TSNARE1: variants seen among roughly 807,000 people sequenced by gnomAD.
TSNARE1 encodes the protein t-SNARE domain-containing protein 1.
A neutral mutation model predicts 62.0 loss-of-function variants in TSNARE1; 49 were observed. The ratio of observed to expected loss-of-function variants is 0.79; its 90% CI spans 0.63 to 1.00. TSNARE1 has a LOEUF of 1.00. TSNARE1 is among the 50% of genes least tolerant of loss of function. The pLI is 0.00. For synonymous variants in TSNARE1, 328 were observed against 294.4 expected, an observed-to-expected ratio of 1.11 and a Z score of -1.17; for missense variants, 755 against 700.1, an observed-to-expected ratio of 1.08 and a Z score of -0.88.
intron 1 of TSNARE1, among the ~76,000 whole-genome samples, chr8:142,394,056 T>C (rs911304463): frequency 1.3e-5 from 2 of 152,244 alleles, no homozygotes; most frequent in African/African-American, 4.8e-5. Flanking sequence ...ATCACAGCTC[T>C]GCCCACGCTG....
chr8:142,365,977 T>C, intron 1 of TSNARE1: 1 of 433,470 alleles, frequency 2.3e-6, no homozygotes, highest in Non-Finnish European at 4.5e-6. Flanking sequence ...TAGAGGAATT[T>C]GGCTGAACAT....
chr8:142,387,440 G>A (rs1265480655), intron 1 of TSNARE1, among the ~76,000 whole-genome samples: 3 of 152,084 alleles, frequency 2.0e-5, no homozygotes, highest in Non-Finnish European at 4.4e-5. Flanking sequence ...TTAAAAAGCA[G>A]AGAAATAAGG....
At chr8:142,371,066 G>T (rs1835881648) in intron 1 of TSNARE1, among the ~76,000 whole-genome samples, 1 of 152,196 alleles carries the variant, frequency 6.6e-6, no homozygotes, top group Non-Finnish European at 1.5e-5. Flanking sequence ...AGATCCTACA[G>T]ACATTCAAAG....
intron 11 of TSNARE1, chr8:142,276,069 C>T: frequency 1.0e-6 from 1 of 985,310 alleles, no homozygotes; most frequent in Non-Finnish European, 1.2e-6. Context: ...CCCACCCTTG[C>T]CCCCAGCGCA....
At position 142,271,567 on chromosome 8, in the gene TSNARE1, G is replaced by A. The variant is rs1368169804; in HGVS notation, c.1446+3214C>T. The A allele has an allele frequency of 3.6e-6, 5 of 1,406,844 alleles. No individual in the cohort carries two copies. In the African/African-American group the frequency reaches 4.5e-5, roughly 13 times the overall value. The allele number at this position is 1,406,844 out of a possible 1,614,324, so 87.1% of individuals were successfully genotyped here. A position where few individuals can be genotyped will look rare whatever the true frequency, so the allele number is the denominator to read the frequency against. ...TGGAGGCTGGGGAAGCAGGTGGGGA[G>A]GGTGAGGAGGTGGGTGCGTGGAAGA... On this transcript the variant is annotated intron_variant, in intron 12 of 13. Coordinates refer to ENST00000524325, the MANE Select transcript of TSNARE1 (RefSeq NM_145003.5).
chr8:142,362,256 G>A (rs1025901060), intron 1 of TSNARE1, among the ~76,000 whole-genome samples: 3 of 152,304 alleles, frequency 2.0e-5, no homozygotes, highest in African/African-American at 7.2e-5. Flanking sequence ...GGACCCCAGC[G>A]GAGCTGTGGC....
intron 6 of TSNARE1, among the ~76,000 whole-genome samples, chr8:142,329,139 A>T (rs1830663692): frequency 6.6e-6 from 1 of 152,252 alleles, no homozygotes; most frequent in African/African-American, 2.4e-5. Flanking sequence ...TTAACAGTCC[A>T]TGATATGGGA....
rs73366665 is a variant in TSNARE1, at chr8:142,277,501, T to C, written c.1364-2638A>G. Reference sequence around the variant, plus strand: ...CAGTGCCGCTGCAGAGCGGAAAGCATGGCCGGCTCGGGGCAACTGGGCCTG... The same window carrying C: ...CAGTGCCGCTGCAGAGCGGAAAGCACGGCCGGCTCGGGGCAACTGGGCCTG... On this transcript the variant is annotated intron_variant, in intron 11 of 13. Transcript: ENST00000524325. The C allele has an allele frequency of 0.014, 13,544 of 985,410 alleles. 1,418 individuals are homozygous for C. In the African/African-American group the frequency reaches 0.22, roughly 16 times the overall value. 61.0% of individuals were successfully genotyped at this position (985,410 alleles called of 1,614,324 possible).
chr8:142,219,182 A>G (rs1419259923), intron 13 of TSNARE1, among the ~76,000 whole-genome samples: 2 of 152,152 alleles, frequency 1.3e-5, no homozygotes, highest in East Asian at 3.9e-4. Context: ...TTCTGCTAAG[A>G]GGGGAACCCT....
intron 1 of TSNARE1, among the ~76,000 whole-genome samples, chr8:142,384,719 T>C (rs2131276192): frequency 6.6e-6 from 1 of 152,340 alleles, no homozygotes; most frequent in East Asian, 1.9e-4. Flanking sequence ...GCTAAAATTA[T>C]TAAAACTCTT....
chr8:142,281,852 A>G (rs768754367), intron 11 of TSNARE1, among the ~76,000 whole-genome samples: 18 of 152,132 alleles, frequency 1.2e-4, no homozygotes, highest in Non-Finnish European at 1.8e-4. Context: ...CGGAGCCTCC[A>G]GCCTCCCTGG....
At chr8:142,328,140 T>C (rs1830516887) in intron 6 of TSNARE1, among the ~76,000 whole-genome samples, 2 of 151,186 alleles carry the variant, frequency 1.3e-5, no homozygotes, top group Admixed American at 6.6e-5. Context: ...GAATATATCA[T>C]AGGTGTTAGA....
intron 11 of TSNARE1, chr8:142,276,189 G>A (rs1472849920): frequency 8.1e-6 from 8 of 985,480 alleles, no homozygotes; most frequent in Middle Eastern, 5.2e-4. Flanking sequence ...AGGAGCCAAA[G>A]CCCAGAGAGC....
intron 11 of TSNARE1, chr8:142,277,956 A>T: frequency 1.0e-6 from 1 of 985,216 alleles, no homozygotes; most frequent in African/African-American, 1.7e-5. Context: ...AGCACCCCCA[A>T]ACCAGGTCTG....
intron 1 of TSNARE1, among the ~76,000 whole-genome samples, chr8:142,366,797 A>G (rs1233138430): frequency 6.6e-6 from 1 of 152,224 alleles, no homozygotes; most frequent in Non-Finnish European, 1.5e-5. Context: ...CAAGAAATCA[A>G]CAAGACATTA....
chr8:142,234,256 G>A (rs1006713985), intron 12 of TSNARE1, among the ~76,000 whole-genome samples: 14 of 150,406 alleles, frequency 9.3e-5, no homozygotes, highest in South Asian at 8.5e-4. Context: ...CCCCAACCAC[G>A]GGTTCAGGGA....
intron 1 of TSNARE1, among the ~76,000 whole-genome samples, chr8:142,359,957 G>A (rs570578754): frequency 6.6e-6 from 1 of 152,282 alleles, no homozygotes; most frequent in Non-Finnish European, 1.5e-5. Context: ...CGCTCGGATG[G>A]GACTTCACCC....
rs1218084020 is a variant in TSNARE1, at chr8:142,344,365, G to A, written c.346C>T (p.Pro116Ser). The A allele has an allele frequency of 5.1e-6, 8 of 1,569,898 alleles. No homozygotes were observed. Among genetic ancestry groups the A allele is most frequent in the East Asian group, 2.3e-5 (1 of 43,422 alleles). Residue 116 changes from proline to serine, a missense_variant, in exon 4 of 14, where the codon CCC becomes TCC. By Grantham distance (74) the Pro-to-Ser change is moderately conservative. Coordinates refer to ENST00000524325, the MANE Select transcript of TSNARE1 (RefSeq NM_145003.5). Reference protein sequence around the residue: ...AAGPHGRMAGPSTTRAKKRKP... With the variant: ...AAGPHGRMAGSSTTRAKKRKP... The stretch of plus-strand genomic sequence containing the variant: ...CTCTTCTTGGCCCGGGTAGTGCTGG[G>A]CCCCGCCATCCGGCCATGGGGCCCA...
rs143416861 is a variant in TSNARE1 at position 142,364,372 on chromosome 8, A to G, written c.-39-9609T>C. Among the ~76,000 whole-genome samples, 1,501 of 152,320 alleles carry G rather than the reference A, an allele frequency of 9.9e-3. 14 individuals carry two copies. Among genetic ancestry groups the G allele is most frequent in the East Asian group, 0.021 (107 of 5,180 alleles). ...CATAGTTTTTAAGATGCACAGAGAA[A>G]TACAGATATAGATGTGTGTGGGTAT... On this transcript the variant is annotated intron_variant, in intron 1 of 13. Coordinates refer to ENST00000524325, the MANE Select transcript of TSNARE1 (RefSeq NM_145003.5).
Sources: allele counts gnomAD v4.1 joint callset (sites outside exome capture counted in the v4.1 genomes callset), GRCh38; gene constraint gnomAD v4.1.1; transcripts MANE v1.5; gene names NCBI Gene and HGNC (gene_info 2026-07-23, HGNC 2026-07-21).